MDGA2: variants seen among roughly 807,000 people sequenced by gnomAD.
MDGA2 encodes the protein MAM domain containing glycosylphosphatidylinositol anchor 2.
In MDGA2, 40 loss-of-function variants were observed where a neutral mutation model predicts 117.8. The ratio of observed to expected loss-of-function variants is 0.34; its 90% CI spans 0.26 to 0.44. The LOEUF is 0.44. MDGA2 is among the 20% of genes least tolerant of loss of function. MDGA2 has a pLI of 1.00. For synonymous variants in MDGA2, 452 were observed against 439.0 expected (o/e 1.03, Z -0.37); for missense variants, 1,123 against 1,250.6 (o/e 0.90, Z 1.54).
chr14:47,414,281 C>T (rs1291643260), intron 1 of MDGA2, among the ~76,000 whole-genome samples: 2 of 152,124 alleles, frequency 1.3e-5, no homozygotes, highest in African/African-American at 4.8e-5. Flanking sequence ...ACCCAAGAGC[C>T]ATGCTTACCG....
At chr14:46,984,034 A>T (rs546145910) in intron 8 of MDGA2, among the ~76,000 whole-genome samples, 1 of 152,172 alleles carries the variant, frequency 6.6e-6, no homozygotes, top group Admixed American at 6.5e-5. Context: ...ACATAGTTAT[A>T]TTACTTGAAT....
chr14:47,490,811 A>G (rs767841895), intron 1 of MDGA2, among the ~76,000 whole-genome samples: 2 of 152,108 alleles, frequency 1.3e-5, no homozygotes, highest in Non-Finnish European at 2.9e-5. Context: ...AATCCCCTCC[A>G]AGGGTTGTAT....
chr14:47,529,990 A>T (rs1321234923), intron 1 of MDGA2, among the ~76,000 whole-genome samples: 1 of 152,242 alleles, frequency 6.6e-6, no homozygotes, highest in Non-Finnish European at 1.5e-5. Context: ...AGCATGCAGG[A>T]TTGTGTAAAA....
intron 1 of MDGA2, among the ~76,000 whole-genome samples, chr14:47,618,483 G>A (rs1353967612): frequency 6.6e-6 from 1 of 152,014 alleles, no homozygotes; most frequent in African/African-American, 2.4e-5. Flanking sequence ...AATGTGACCC[G>A]TCCTTTCTCA....
intron 14 of MDGA2, among the ~76,000 whole-genome samples, chr14:46,864,553 T>TG (rs1332159384): frequency 2.6e-5 from 1 of 38,302 alleles, no homozygotes; most frequent in African/African-American, 1.3e-4. Context: ...CTGTTTTTTT[T>TG]TTTTTTTTTT....
At chr14:47,056,612 G>C (rs970365875) in intron 7 of MDGA2, among the ~76,000 whole-genome samples, 11 of 152,138 alleles carry the variant, frequency 7.2e-5, no homozygotes, top group African/African-American at 2.7e-4. Flanking sequence ...TTCGAGGCAT[G>C]ATGCAGATGC....
rs117156204 is a variant in MDGA2 at position 46,878,934 on chromosome 14, T to C, written c.2417-1425A>G. Among the ~76,000 whole-genome samples the C allele has an allele frequency of 9.8e-3, 1,487 of 152,220 alleles. 20 individuals carry two copies. Among genetic ancestry groups the C allele is most frequent in the South Asian group, 0.046 (222 of 4,832 alleles). On this transcript the variant is annotated intron_variant, in intron 11 of 16. Transcript: ENST00000399232. ...CCAACATTTAATTCACCAAATTCAC[T>C]ATACATAATGCAGTTAACTTTGTGA...
chr14:47,187,283 G>C (rs1393542813), intron 3 of MDGA2, among the ~76,000 whole-genome samples: 1 of 151,882 alleles, frequency 6.6e-6, no homozygotes, highest in Non-Finnish European at 1.5e-5. Flanking sequence ...ATAATCATAA[G>C]ATAGGCTTGG....
chr14:47,663,502 C>T (rs1189516880), intron 1 of MDGA2, among the ~76,000 whole-genome samples: 1 of 152,150 alleles, frequency 6.6e-6, no homozygotes, highest in Non-Finnish European at 1.5e-5. Context: ...GACTACCTTC[C>T]GCCCTCCAAA....
chr14:47,261,963 A>G (rs1952212), intron 2 of MDGA2, among the ~76,000 whole-genome samples: 72,033 of 151,916 alleles, frequency 0.47, 17,958 homozygotes, highest in Admixed American at 0.62. Flanking sequence ...TAAGTCTGTG[A>G]TGACACTAAA....
At chr14:46,912,650 T>C (rs1883751631) in intron 10 of MDGA2, among the ~76,000 whole-genome samples, 1 of 152,194 alleles carries the variant, frequency 6.6e-6, no homozygotes, top group East Asian at 1.9e-4. Context: ...TCCACGTTTC[T>C]AATTAATTTT....
At chr14:47,301,307 AC>A in intron 2 of MDGA2, 103 bp downstream of exon 2, 2 of 1,262,514 alleles carry the variant, frequency 1.6e-6, no homozygotes, top group African/African-American at 1.5e-5. Context: ...ACACACACAC[AC>A]ACACACACAC....
intron 4 of MDGA2, among the ~76,000 whole-genome samples, chr14:47,140,852 C>T (rs1882687271): frequency 2.0e-5 from 3 of 151,986 alleles, no homozygotes; most frequent in Admixed American, 1.3e-4. Context: ...AAACAATCAA[C>T]ACAGTGAAGA....
chr14:47,652,834 A>G (rs1897669909), intron 1 of MDGA2, among the ~76,000 whole-genome samples: 1 of 152,040 alleles, frequency 6.6e-6, no homozygotes, highest in Admixed American at 6.6e-5. Context: ...ATCACTTTTA[A>G]TTTTTTCAAA....
chr14:46,975,859 C>A (rs552703000), intron 8 of MDGA2, among the ~76,000 whole-genome samples: 6 of 152,176 alleles, frequency 3.9e-5, no homozygotes, highest in Admixed American at 6.6e-5. Flanking sequence ...AGGCTTCTTG[C>A]TATGTCCTCG....
intron 1 of MDGA2, among the ~76,000 whole-genome samples, chr14:47,407,045 C>A (rs985334166): frequency 2.0e-5 from 3 of 151,890 alleles, no homozygotes; most frequent in Non-Finnish European, 4.4e-5. Context: ...AATCCATTCC[C>A]TTATCAAAAC....
intron 1 of MDGA2, among the ~76,000 whole-genome samples, chr14:47,594,635 A>T: frequency 6.6e-6 from 1 of 152,070 alleles, no homozygotes; most frequent in Middle Eastern, 3.2e-3. Flanking sequence ...AGAAGTCAGA[A>T]ACAATTGTGC....
intron 1 of MDGA2, among the ~76,000 whole-genome samples, chr14:47,605,636 T>C (rs187598369): frequency 6.6e-6 from 1 of 152,054 alleles, no homozygotes; most frequent in East Asian, 1.9e-4. Flanking sequence ...AGCTTTATAA[T>C]GGTTACAATG....
At chr14:47,395,514 T>G (rs989443952) in intron 1 of MDGA2, among the ~76,000 whole-genome samples, 1 of 152,204 alleles carries the variant, frequency 6.6e-6, no homozygotes, top group South Asian at 2.1e-4. Context: ...GCAATAATTT[T>G]TAAAATGTTT....
Sources: allele counts gnomAD v4.1 joint callset (sites outside exome capture counted in the v4.1 genomes callset), GRCh38; gene constraint gnomAD v4.1.1; transcripts MANE v1.5; gene names NCBI Gene and HGNC (gene_info 2026-07-23, HGNC 2026-07-21).